The following RAB5A variants were observed in gnomAD, a reference collection of about 807,000 sequenced individuals.
RAB5A encodes the protein ras-related protein Rab-5A.
RAB5A carries 8 observed loss-of-function variants against 25.7 expected under a neutral mutation model. The observed-to-expected ratio is 0.31, with a 90% CI of 0.18 to 0.56. The LOEUF (loss-of-function observed/expected upper bound fraction) is 0.56. Ranked by LOEUF, RAB5A falls within the 20% of genes least tolerant of loss-of-function variation. The pLI is 0.91. For synonymous variants in RAB5A, 98 were observed against 89.8 expected, an observed-to-expected ratio of 1.09 and a Z score of -0.52; for missense variants, 192 against 259.7, an observed-to-expected ratio of 0.74 and a Z score of 1.79.
intron 3 of RAB5A, 131 bp downstream of exon 3, chr3:19,975,883 G>T: frequency 7.6e-7 from 1 of 1,317,674 alleles, no homozygotes; most frequent in Non-Finnish European, 1.0e-6. Flanking sequence ...TTGTGAATTA[G>T]AAAATCTGGT....
chr3:19,947,423 C>A lies in RAB5A; in HGVS notation c.-192C>A. ...TAAGAGCAGGCGACGCCGCCGCCGC[C>A]ACCACCACCGCCATAGATACACTCT... On this transcript the variant is annotated 5_prime_UTR_variant, in exon 1 of 6. Coordinates refer to ENST00000273047, the MANE Select transcript of RAB5A (RefSeq NM_004162.5). 6.4e-6 allele frequency: 1 copy of A among 157,250 alleles called. No homozygotes were observed. Among genetic ancestry groups the A allele is most frequent in the South Asian group, 1.8e-4 (1 of 5,708 alleles). The allele number at this position is 157,250 out of a possible 1,614,324, so 9.7% of individuals were successfully genotyped here. A position where few individuals can be genotyped will look rare whatever the true frequency, so the allele number is the denominator to read the frequency against.
intron 2 of RAB5A, among the ~76,000 whole-genome samples, chr3:19,967,688 G>T (rs1442456478): frequency 6.6e-6 from 1 of 151,784 alleles, no homozygotes; most frequent in African/African-American, 2.4e-5. Flanking sequence ...TCTCTTTTTG[G>T]GTTTACTCAC....
At chr3:19,947,763 A>T (rs1260286177) in intron 1 of RAB5A, 3 of 152,150 alleles carry the variant, frequency 2.0e-5, no homozygotes, top group Non-Finnish European at 4.4e-5. Context: ...GACGGGTGTC[A>T]CCCTTTCCCT....
chr3:19,981,615 A>T (rs911715568), intron 5 of RAB5A, among the ~76,000 whole-genome samples: 4 of 93,856 alleles, frequency 4.3e-5, no homozygotes, highest in Admixed American at 2.8e-4. Flanking sequence ...CTCCGCCTCA[A>T]AAAAAAAAAA....
At chr3:19,962,177 A>G (rs1457939416) in intron 2 of RAB5A, among the ~76,000 whole-genome samples, 3 of 152,222 alleles carry the variant, frequency 2.0e-5, no homozygotes, top group Non-Finnish European at 2.9e-5. Flanking sequence ...CATCTGTTCT[A>G]TTCTAGTCAC....
intron 3 of RAB5A, 35 bp from the exon 4 acceptor site, chr3:19,976,012 A>C: frequency 6.3e-7 from 1 of 1,590,248 alleles, no homozygotes; most frequent in African/African-American, 1.4e-5. Context: ...CCATTTTTTG[A>C]GCCTGTGCTC....
chr3:19,959,754 G>A (rs896768605), intron 2 of RAB5A, among the ~76,000 whole-genome samples: 25 of 151,062 alleles, frequency 1.7e-4, no homozygotes, highest in African/African-American at 6.1e-4. Context: ...AGCCTCCCAA[G>A]TAGCTGGGAC....
chr3:19,976,959 T>C (rs894356695), intron 4 of RAB5A, among the ~76,000 whole-genome samples: 2 of 152,222 alleles, frequency 1.3e-5, no homozygotes, highest in African/African-American at 4.8e-5. Context: ...TAAAAAAAAT[T>C]TTTTTAAGGC....
chr3:19,950,578 C>T (rs1696408210), intron 1 of RAB5A, among the ~76,000 whole-genome samples: 2 of 152,056 alleles, frequency 1.3e-5, no homozygotes, highest in Non-Finnish European at 2.9e-5. Flanking sequence ...ACTTAAAGCA[C>T]TGCCTGGCAC....
At chr3:19,971,604 T>TG (rs1696753024) in intron 2 of RAB5A, among the ~76,000 whole-genome samples, 1 of 152,050 alleles carries the variant, frequency 6.6e-6, no homozygotes, top group African/African-American at 2.4e-5. Flanking sequence ...TCCGAGTAGC[T>TG]GGGGTTACAG....
chr3:19,948,901 G>A lies in RAB5A; in HGVS notation c.-94+1380G>A, dbSNP rs1438625613. Among the ~76,000 whole-genome samples, 7 of 151,990 alleles carry A rather than the reference G, an allele frequency of 4.6e-5. 1 individual carries two copies. In the East Asian group the frequency reaches 1.4e-3, roughly 29 times the overall value. Reference sequence around the variant, plus strand: ...TGTGTGTAATATCTGAAGATGTATTGGTGCATTTTCAGTATATATGATGTT... The same window carrying A: ...TGTGTGTAATATCTGAAGATGTATTAGTGCATTTTCAGTATATATGATGTT... On this transcript the variant is annotated intron_variant, in intron 1 of 5. Coordinates refer to ENST00000273047, the MANE Select transcript of RAB5A (RefSeq NM_004162.5).
intron 5 of RAB5A, among the ~76,000 whole-genome samples, chr3:19,983,360 A>C (rs1257990264): frequency 2.6e-5 from 4 of 151,670 alleles, no homozygotes; most frequent in African/African-American, 9.7e-5. Flanking sequence ...AAAAAAAAAA[A>C]AAAGAAGTAA....
At chr3:19,970,434 T>C in intron 2 of RAB5A, 1 of 398,510 alleles carries the variant, frequency 2.5e-6, no homozygotes, top group Non-Finnish European at 5.0e-6. Context: ...ACTTGCTTGC[T>C]GCCAGGCTTG....
At chr3:19,968,214 A>G (rs1385436553) in intron 2 of RAB5A, among the ~76,000 whole-genome samples, 2 of 151,938 alleles carry the variant, frequency 1.3e-5, no homozygotes, top group African/African-American at 4.8e-5. Context: ...TTTAATTGCT[A>G]CTTAATACTT....
intron 5 of RAB5A, chr3:19,979,017 C>G (rs1171093648): frequency 6.6e-6 from 1 of 151,888 alleles, no homozygotes; most frequent in Non-Finnish European, 1.5e-5. Flanking sequence ...CGCTCTGTCG[C>G]CCAGGCTGGA....
chr3:19,981,128 T>C (rs1696917987), intron 5 of RAB5A, among the ~76,000 whole-genome samples: 1 of 152,202 alleles, frequency 6.6e-6, no homozygotes, highest in Non-Finnish European at 1.5e-5. Flanking sequence ...TTTAATATTC[T>C]GCCTCCCCTC....
intron 2 of RAB5A, among the ~76,000 whole-genome samples, chr3:19,959,152 T>G (rs540495025): frequency 9.5e-4 from 144 of 152,182 alleles, no homozygotes; most frequent in Non-Finnish European, 1.7e-3. Flanking sequence ...GGTAGAATGA[T>G]TTTGCCAAAT....
chr3:19,975,459 T>G, intron 2 of RAB5A, 142 bp from the exon 3 acceptor site: 6 of 708,878 alleles, frequency 8.5e-6, no homozygotes, highest in Non-Finnish European at 1.3e-5. Context: ...CCTCATTTAT[T>G]ACTTTTAACT....
rs556175633 is a variant in RAB5A at position 19,975,564 on chromosome 3, G to A, written c.164-37G>A. 1.9e-6 allele frequency: 3 copies of A among 1,595,622 alleles called. No individual in the cohort carries two copies. In the South Asian group the frequency reaches 3.4e-5, roughly 18 times the overall value. ...TTTCTATATTATGAAAACATTTGGA[G>A]AAAAATGATTGACTTATTGTAGTCC... is the stretch of plus-strand genomic sequence containing the variant. On this transcript the variant is annotated intron_variant, in intron 2 of 5. Coordinates refer to ENST00000273047, the MANE Select transcript of RAB5A (RefSeq NM_004162.5).
Sources: gnomAD v4.1 joint callset for allele counts (sites outside exome capture counted in the v4.1 genomes callset) on GRCh38, gnomAD v4.1.1 for gene constraint, MANE v1.5 for transcripts, NCBI Gene and HGNC (gene_info 2026-07-23, HGNC 2026-07-21) for gene names.